Variants in MDFIC2 observed in about 807,000 individuals in gnomAD.
MDFIC2 encodes MyoD family inhibitor domain containing 2, also known as myoD family inhibitor domain-containing protein 2.
At chr3:70,271,497 G>C (rs1252036006) in intron 2 of MDFIC2, among the ~76,000 whole-genome samples, 1 of 152,154 alleles carries the variant, frequency 6.6e-6, no homozygotes, top group Non-Finnish European at 1.5e-5. Flanking sequence ...AATTTTAAAT[G>C]TTATTTTGCT....
intron 2 of MDFIC2, among the ~76,000 whole-genome samples, chr3:70,309,358 G>A (rs1374336733): frequency 6.6e-6 from 1 of 152,062 alleles, no homozygotes; most frequent in Non-Finnish European, 1.5e-5. Flanking sequence ...AAAAAGCATT[G>A]TTGCTATTAC....
At chr3:70,269,113 A>C (rs541947127) in intron 2 of MDFIC2, among the ~76,000 whole-genome samples, 1 of 152,330 alleles carries the variant, frequency 6.6e-6, no homozygotes, top group East Asian at 1.9e-4. Flanking sequence ...AAAGAGTGGA[A>C]TAATAATATT....
At chr3:70,219,390 G>C (rs546051114) in intron 2 of MDFIC2, among the ~76,000 whole-genome samples, 1 of 152,218 alleles carries the variant, frequency 6.6e-6, no homozygotes, top group Non-Finnish European at 1.5e-5. Flanking sequence ...AAATTAGGCT[G>C]TTAAGTTTTT....
chr3:70,248,394 G>A (rs768333795), intron 2 of MDFIC2, among the ~76,000 whole-genome samples: 1 of 152,094 alleles, frequency 6.6e-6, no homozygotes, highest in South Asian at 2.1e-4. Flanking sequence ...TTGCCAAAAA[G>A]TGTTGGGTTA....
At chr3:70,272,423 C>T (rs764920446) in intron 2 of MDFIC2, 2 of 152,178 alleles carry the variant, frequency 1.3e-5, no homozygotes, top group Admixed American at 6.5e-5. Flanking sequence ...GAGGTTCATC[C>T]GTGTTGTTGA....
intron 2 of MDFIC2, among the ~76,000 whole-genome samples, chr3:70,207,780 A>C (rs962321554): frequency 2.0e-5 from 3 of 152,098 alleles, no homozygotes; most frequent in Admixed American, 6.6e-5. Context: ...CATAGGTTAT[A>C]TGCAAATACC....
intron 2 of MDFIC2, among the ~76,000 whole-genome samples, chr3:70,237,167 C>G (rs1444440188): frequency 6.6e-6 from 1 of 152,148 alleles, no homozygotes; most frequent in Non-Finnish European, 1.5e-5. Context: ...TAAAGGGGGC[C>G]AAGCTGTATT....
At chr3:70,303,126 T>C (rs907864562) in intron 2 of MDFIC2, among the ~76,000 whole-genome samples, 12 of 152,202 alleles carry the variant, frequency 7.9e-5, no homozygotes, top group African/African-American at 2.2e-4. Context: ...ACAGCACATA[T>C]CACGTAAGAA....
intron 2 of MDFIC2, among the ~76,000 whole-genome samples, chr3:70,285,114 A>C (rs1575615434): frequency 6.6e-6 from 1 of 150,776 alleles, no homozygotes; most frequent in African/African-American, 2.4e-5. Context: ...TGTGCAGGTT[A>C]GTTACATATG....
Position 70,206,738 on chromosome 3 carries a change from A to G in MDFIC2, c.141T>C (p.Ile47=), listed in dbSNP as rs1195817408. ...TGAAGTCAGATACTGAATTTATAAC[A>G]ATAGCATTAATGGGTTTCTCATCTG... ...KHADEKPINA[I]VINSVSDFNI... is the part of the protein sequence containing the mutation. The change falls in exon 3 of 4, where the codon ATT becomes ATC. Residue 47 remains isoleucine (I), a synonymous_variant. Coordinates refer to ENST00000567252, the MANE Select transcript of MDFIC2 (RefSeq NM_001364677.1). The G allele has an allele frequency of 5.0e-6, 2 of 397,772 alleles. No individual in the cohort carries two copies. Among genetic ancestry groups the G allele is most frequent in the Non-Finnish European group, 8.9e-6 (2 of 225,566 alleles). The allele number at this position is 397,772 out of a possible 1,614,324, so 24.6% of individuals were successfully genotyped here.
At chr3:70,242,092 T>A (rs1701670953) in intron 2 of MDFIC2, among the ~76,000 whole-genome samples, 1 of 152,218 alleles carries the variant, frequency 6.6e-6, no homozygotes, top group South Asian at 2.1e-4. Context: ...GCCAATGATG[T>A]GTACTGCTAT....
At chr3:70,228,485 T>A (rs562196639) in intron 2 of MDFIC2, among the ~76,000 whole-genome samples, 2 of 152,210 alleles carry the variant, frequency 1.3e-5, no homozygotes, top group East Asian at 3.9e-4. Context: ...TTTAATATAG[T>A]ACAGTTTTGG....
intron 2 of MDFIC2, among the ~76,000 whole-genome samples, chr3:70,285,348 A>G (rs1268225112): frequency 6.6e-6 from 1 of 151,436 alleles, no homozygotes; most frequent in Admixed American, 6.6e-5. Flanking sequence ...GAGAATGATG[A>G]CTTCCAATTT....
intron 2 of MDFIC2, among the ~76,000 whole-genome samples, chr3:70,217,114 C>T (rs1701419372): frequency 6.6e-6 from 1 of 152,024 alleles, no homozygotes; most frequent in Non-Finnish European, 1.5e-5. Flanking sequence ...CCACCCTTGA[C>T]CAAAATGCTG....
rs112672121 is a variant in MDFIC2 at position 70,309,017 on chromosome 3, C to A, written c.88+2869G>T. Among the ~76,000 whole-genome samples, 376 of 152,166 alleles carry A rather than the reference C, an allele frequency of 2.5e-3. 5 individuals carry two copies. Among genetic ancestry groups the A allele is most frequent in the African/African-American group, 8.3e-3 (344 of 41,502 alleles). The stretch of plus-strand genomic sequence containing the variant: ...TCATGTGAGATGTAACCACTTTGTT[C>A]TTAATGAGAAAAACACTTTTTTGAA... On this transcript the variant is annotated intron_variant, in intron 2 of 3. Coordinates refer to ENST00000567252, the MANE Select transcript of MDFIC2 (RefSeq NM_001364677.1).
intron 3 of MDFIC2, among the ~76,000 whole-genome samples, chr3:70,206,150 A>T (rs148606372): frequency 7.9e-5 from 12 of 152,174 alleles, no homozygotes; most frequent in Non-Finnish European, 1.5e-4. Flanking sequence ...AGATGTAAAC[A>T]TCTTAATTTT....
At chr3:70,236,049 C>T (rs536164144) in intron 2 of MDFIC2, among the ~76,000 whole-genome samples, 1 of 152,078 alleles carries the variant, frequency 6.6e-6, no homozygotes, top group Admixed American at 6.5e-5. Context: ...TTCTACTTCT[C>T]TTAATGAATA....
intron 2 of MDFIC2, among the ~76,000 whole-genome samples, chr3:70,304,548 G>A (rs907055219): frequency 1.3e-5 from 2 of 152,074 alleles, no homozygotes; most frequent in African/African-American, 4.8e-5. Context: ...AAAGCCGGGG[G>A]TCAGCCTTTG....
At chr3:70,230,607 A>T (rs1701549231) in intron 2 of MDFIC2, among the ~76,000 whole-genome samples, 1 of 152,198 alleles carries the variant, frequency 6.6e-6, no homozygotes. Context: ...TTTATTATTT[A>T]AAAACTGGTT....
Sources: gnomAD v4.1 joint callset for allele counts (sites outside exome capture counted in the v4.1 genomes callset) on GRCh38, gnomAD v4.1.1 for gene constraint, MANE v1.5 for transcripts, NCBI Gene and HGNC (gene_info 2026-07-23, HGNC 2026-07-21) for gene names.